BRAF: variants seen among roughly 807,000 people sequenced by gnomAD.
BRAF encodes the protein serine/threonine-protein kinase B-raf.
BRAF carries 16 observed loss-of-function variants against 104.6 expected under a neutral mutation model. The observed-to-expected ratio is 0.15, with a 90% CI of 0.10 to 0.23. The LOEUF (loss-of-function observed/expected upper bound fraction) is 0.23. Among genes scored for constraint, BRAF ranks in the 10% least tolerant of loss-of-function variants. BRAF has a pLI of 1.00. For synonymous variants in BRAF, 310 were observed against 341.6 expected, an observed-to-expected ratio of 0.91 and a Z score of 1.02; for missense variants, 541 against 937.3, an observed-to-expected ratio of 0.58 and a Z score of 5.52.
At chr7:140,769,637 T>G (rs1182715859) in intron 14 of BRAF, among the ~76,000 whole-genome samples, 1 of 152,252 alleles carries the variant, frequency 6.6e-6, no homozygotes, top group South Asian at 2.1e-4. Context: ...TATATACGAT[T>G]CTACTGTATG....
intron 17 of BRAF, among the ~76,000 whole-genome samples, chr7:140,746,205 A>C (rs1226034955): frequency 1.3e-5 from 2 of 152,246 alleles, no homozygotes; most frequent in African/African-American, 4.8e-5. Context: ...TATGCTATCT[A>C]TTCTTCAAAG....
In BRAF at chr7:140,720,632, C is replaced by T; in HGVS notation, c.*5862G>A. 9.4e-7 allele frequency: 1 copy of T among 1,065,662 alleles called. No individual in the cohort carries two copies. Among genetic ancestry groups the T allele is most frequent in the South Asian group, 4.6e-5 (1 of 21,972 alleles). The allele number at this position is 1,065,662 out of a possible 1,614,324, so 66.0% of individuals were successfully genotyped here. A position where few individuals can be genotyped will look rare whatever the true frequency, so the allele number is the denominator to read the frequency against. On this transcript the variant is annotated 3_prime_UTR_variant, in exon 20 of 20. Transcript: ENST00000644969. ...AATTACAGTTTATTTCCCACCCTCA[C>T]ATTAATTTTTCCCTATCCTAGATTT...
chr7:140,721,433 A>G lies in BRAF; in HGVS notation c.*5061T>C, dbSNP rs554834909. 2.4e-6 allele frequency: 3 copies of G among 1,255,194 alleles called. No individual in the cohort carries two copies. Among genetic ancestry groups the G allele is most frequent in the African/African-American group, 3.1e-5 (2 of 64,876 alleles). The allele number at this position is 1,255,194 out of a possible 1,614,324, so 77.8% of individuals were successfully genotyped here. ...TAACAAAAATTAGAATTGAATTTCA[A>G]TTTAAATGTCTTTGCCCAAACAAAA... On this transcript the variant is annotated 3_prime_UTR_variant, in exon 20 of 20. Coordinates refer to ENST00000644969, the MANE Select transcript of BRAF (RefSeq NM_001374258.1).
At chr7:140,847,596 A>C (rs569963290) in intron 2 of BRAF, among the ~76,000 whole-genome samples, 20 of 152,244 alleles carry the variant, frequency 1.3e-4, no homozygotes, top group African/African-American at 4.8e-4. Context: ...GAAAAAAAAA[A>C]AGACAGACAA....
At chr7:140,855,582 C>T (rs973129143) in intron 1 of BRAF, among the ~76,000 whole-genome samples, 2 of 151,634 alleles carry the variant, frequency 1.3e-5, no homozygotes, top group African/African-American at 4.8e-5. Context: ...CATTGGCTCC[C>T]CTCATCCCTT....
intron 19 of BRAF, among the ~76,000 whole-genome samples, chr7:140,726,957 C>T (rs1050716492): frequency 6.6e-6 from 1 of 152,092 alleles, no homozygotes; most frequent in Admixed American, 6.5e-5. Context: ...GCTAAAGATA[C>T]AATTAAGAGG....
downstream of BRAF, among the ~76,000 whole-genome samples, chr7:140,716,160 T>A (rs902429799): frequency 1.3e-5 from 2 of 152,196 alleles, no homozygotes; most frequent in African/African-American, 4.8e-5. Context: ...AGTTGAGACC[T>A]CCTAAACTGA....
chr7:140,726,098 A>T lies in BRAF; in HGVS notation c.*396T>A. The T allele has an allele frequency of 9.2e-7, 1 of 1,088,138 alleles. No individual in the cohort carries two copies. The allele number at this position is 1,088,138 out of a possible 1,614,324, so 67.4% of individuals were successfully genotyped here. A position where few individuals can be genotyped will look rare whatever the true frequency, so the allele number is the denominator to read the frequency against. The stretch of plus-strand genomic sequence containing the variant: ...GTGATTGAAACTGCCCCATCAGATG[A>T]TCAGCCACAAATTGATCTGGTGGTT... On this transcript the variant is annotated 3_prime_UTR_variant, in exon 20 of 20. Coordinates refer to ENST00000644969, the MANE Select transcript of BRAF (RefSeq NM_001374258.1).
At chr7:140,880,018 T>C (rs753060641) in intron 1 of BRAF, among the ~76,000 whole-genome samples, 7 of 152,076 alleles carry the variant, frequency 4.6e-5, no homozygotes, top group African/African-American at 1.2e-4. Context: ...AGGTGTAAGC[T>C]ACCGTGCCCG....
At chr7:140,786,049 T>C (rs892127102) in intron 9 of BRAF, among the ~76,000 whole-genome samples, 4 of 152,314 alleles carry the variant, frequency 2.6e-5, no homozygotes, top group East Asian at 1.9e-4. Flanking sequence ...CTAAGTTAAT[T>C]TTGTGATGCT....
chr7:140,715,713 TACTTA>T (rs1449404580), downstream of BRAF, among the ~76,000 whole-genome samples: 4 of 152,188 alleles, frequency 2.6e-5, no homozygotes, highest in Non-Finnish European at 5.9e-5. Flanking sequence ...TATGGGAAAA[TACTTA>T]ACGTGGGAGG....
rs1809074756 is a variant in BRAF at position 140,850,744 on chromosome 7, T to C, written c.139-532A>G. Among the ~76,000 whole-genome samples the C allele has an allele frequency of 3.3e-5, 5 of 152,210 alleles. No homozygotes were observed. The South Asian group carries it at 1.0e-3, about 31-fold the overall frequency. On this transcript the variant is annotated intron_variant, in intron 1 of 19. Transcript: ENST00000644969. ...TCATTTCATAGCATTGCACTGCTTA[T>C]TTCAACAGTCTCTAAACTTCAGTGG...
intron 1 of BRAF, among the ~76,000 whole-genome samples, chr7:140,906,768 T>C (rs1370595719): frequency 3.3e-5 from 5 of 152,244 alleles, no homozygotes; most frequent in African/African-American, 1.2e-4. Flanking sequence ...TGTAATTTTC[T>C]ATTGAAAAGT....
intron 1 of BRAF, among the ~76,000 whole-genome samples, chr7:140,874,532 T>TAA (rs71659759): frequency 0.015 from 1,234 of 80,888 alleles, 25 homozygotes; most frequent in African/African-American, 0.043. Context: ...AGAAAAAAAG[T>TAA]AAAAAAAAAA....
chr7:140,800,319 GGTTCAA>G (rs1418079720), intron 7 of BRAF, 37 bp downstream of exon 7: 1 of 1,613,116 alleles, frequency 6.2e-7, no homozygotes, highest in Non-Finnish European at 8.5e-7. Context: ...AAAAGAAAGC[GGTTCAA>G]GTAGCATGTC....
intron 5 of BRAF, among the ~76,000 whole-genome samples, chr7:140,807,718 A>G (rs1803808012): frequency 6.6e-6 from 1 of 152,266 alleles, no homozygotes; most frequent in East Asian, 1.9e-4. Context: ...ATACTTCTGC[A>G]CTATTCAAAA....
chr7:140,772,269 A>AACT (rs922439469), intron 14 of BRAF, among the ~76,000 whole-genome samples: 19 of 88,286 alleles, frequency 2.2e-4, no homozygotes, highest in Middle Eastern at 5.4e-3. Flanking sequence ...CAGATTGTTT[A>AACT]ACTACAACAA....
intron 8 of BRAF, among the ~76,000 whole-genome samples, chr7:140,790,418 C>A (rs1801835093): frequency 6.6e-6 from 1 of 152,168 alleles, no homozygotes; most frequent in Non-Finnish European, 1.5e-5. Flanking sequence ...GTAGTTCCTT[C>A]TCTTACTTAC....
At chr7:140,790,605 A>G (rs1185398043) in intron 8 of BRAF, among the ~76,000 whole-genome samples, 1 of 152,212 alleles carries the variant, frequency 6.6e-6, no homozygotes, top group Non-Finnish European at 1.5e-5. Flanking sequence ...CCCCAGGATT[A>G]AATAATTTGC....
Sources: allele counts gnomAD v4.1 joint callset (sites outside exome capture counted in the v4.1 genomes callset), GRCh38; gene constraint gnomAD v4.1.1; transcripts MANE v1.5; gene names NCBI Gene and HGNC (gene_info 2026-07-23, HGNC 2026-07-21).